Variants in DUOXA1 observed in about 807,000 individuals in gnomAD.
DUOXA1 encodes dual oxidase maturation factor 1, also known as dual oxidase activator 1.
A neutral mutation model predicts 26.6 loss-of-function variants in DUOXA1; 19 were observed. The ratio of observed to expected loss-of-function variants is 0.71; its 90% confidence interval spans 0.50 to 1.05. DUOXA1 has a LOEUF of 1.05. DUOXA1 is among the 50% of genes least tolerant of loss of function. The probability of loss-of-function intolerance (pLI) is 0.00; values close to 1 mark genes in which losing one functional copy is unlikely to be tolerated. For missense variants in DUOXA1, 403 were observed against 427.5 expected, an observed-to-expected ratio of 0.94 and a Z score of 0.51; for synonymous variants, 166 against 177.0, an observed-to-expected ratio of 0.94 and a Z score of 0.49.
At chr15:45,126,044 C>T (rs946840990) in intron 3 of DUOXA1, among the ~76,000 whole-genome samples, 3 of 152,204 alleles carry the variant, frequency 2.0e-5, no homozygotes, top group African/African-American at 7.2e-5. Context: ...GGCAACATCA[C>T]CACTGGTCAA....
intron 3 of DUOXA1, among the ~76,000 whole-genome samples, chr15:45,127,191 G>T (rs1895747556): frequency 6.6e-6 from 1 of 152,106 alleles, no homozygotes; most frequent in Non-Finnish European, 1.5e-5. Flanking sequence ...GATAAAGCGA[G>T]GCTAACAGCA....
In DUOXA1 at chr15:45,118,954, A is replaced by C; in HGVS notation, c.*152T>G. 7.3e-7 allele frequency: 1 copy of C among 1,375,274 alleles called. No homozygotes were observed. The highest frequency in any genetic ancestry group is 1.5e-5 in the African/African-American group (1 of 68,650). The allele number at this position is 1,375,274 out of a possible 1,614,324, so 85.2% of individuals were successfully genotyped here. On this transcript the variant is annotated 3_prime_UTR_variant, in exon 9 of 9. Coordinates refer to ENST00000560572, the MANE Select transcript of DUOXA1 (RefSeq NM_001276266.2). ...TTGTTTTGTTTTGTTTTTTAACATC[A>C]GTATATAGAGCCTCCTTTTTCTACT...
Position 45,120,191 on chromosome 15 carries a change from T to C in DUOXA1, c.684A>G (p.Thr228=), listed in dbSNP as rs200642821. 1.2e-3 allele frequency: 1,899 copies of C among 1,614,048 alleles called. 37 individuals are homozygous for C. The South Asian group carries it at 0.018, about 15-fold the overall frequency. ...LLALLFFSMA[T]SLTSPCPLHL... ...GCAGGGGACAGGGTGAGGTGAGTGA[T>C]GTGGCCATGGAGAAGAAGAGCAGAG... is the stretch of plus-strand genomic sequence containing the variant. The change falls in exon 8 of 9, where the codon ACA becomes ACG. Residue 228 remains threonine, a synonymous_variant. Coordinates refer to ENST00000560572, the MANE Select transcript of DUOXA1 (RefSeq NM_001276266.2).
intron 8 of DUOXA1, 48 bp from the exon 9 acceptor site, chr15:45,119,413 G>A: frequency 6.5e-7 from 1 of 1,541,978 alleles, no homozygotes; most frequent in Non-Finnish European, 8.8e-7. Flanking sequence ...AGTAACACCT[G>A]CCGAGGATAT....
intron 3 of DUOXA1, among the ~76,000 whole-genome samples, chr15:45,126,572 T>C (rs1322082075): frequency 1.3e-5 from 2 of 152,270 alleles, no homozygotes; most frequent in African/African-American, 4.8e-5. Context: ...GATTACATTG[T>C]ACTCTAATTG....
At chr15:45,122,455 G>A (rs1895311968) in intron 4 of DUOXA1, among the ~76,000 whole-genome samples, 1 of 152,096 alleles carries the variant, frequency 6.6e-6, no homozygotes, top group South Asian at 2.1e-4. Context: ...GCCCAGGCTG[G>A]AGGGCAGTGA....
Position 45,122,201 on chromosome 15 carries a change from G to T in DUOXA1, c.189C>A (p.Ile63=). ...WLLRVVTSLF[I]GAAILAVNFS... is the part of the protein sequence containing the mutation. ...CGCACTCACCCAGGATTGCAGCCCC[G>T]ATGAATAAGCTGGTCACCACCCGAA... Residue 63 remains isoleucine, a synonymous_variant, in exon 5 of 9, where the codon ATC becomes ATA. Transcript: ENST00000560572. The T allele has an allele frequency of 6.2e-7, 1 of 1,604,524 alleles. No individual in the cohort carries two copies.
chr15:45,119,163 G>A lies in DUOXA1; in HGVS notation c.975C>T (p.Ser325=), dbSNP rs1894897374. The change falls in exon 9 of 9, where the codon TCC becomes TCT. Residue 325 remains serine (S), a synonymous_variant. Coordinates refer to ENST00000560572, the MANE Select transcript of DUOXA1 (RefSeq NM_001276266.2). ...CCTCCTTACAGTATGCCTTGGTGGA[G>A]GAAGCCTCTGACAGGGGAATGTCCT... is the stretch of plus-strand genomic sequence containing the variant. The part of the protein sequence containing the change: ...KSQDIPLSEA[S]STKAYCKEAH... The A allele has an allele frequency of 6.2e-7, 1 of 1,610,292 alleles. No individual in the cohort carries two copies. The highest frequency in any genetic ancestry group is 8.5e-7 in the Non-Finnish European group (1 of 1,176,894).
rs762295474 is a variant in DUOXA1, at chr15:45,120,163, G to C, written c.712C>G (p.Leu238Val). Residue 238 changes from leucine (L) to valine (V), a missense_variant, in exon 8 of 9, where the codon CTG becomes GTG. Physicochemically the swap from Leu to Val is conservative, Grantham distance 32 (BLOSUM62 1). Transcript: ENST00000560572. ...TGAGTATGCAGCACAGAAGCGCCCA[G>C]GTGCAGGGGACAGGGTGAGGTGAGT... ...TSLTSPCPLH[L>V]GASVLHTHHG... The C allele has an allele frequency of 3.1e-6, 5 of 1,614,124 alleles. No individual in the cohort carries two copies. The highest frequency in any genetic ancestry group is 4.2e-6 in the Non-Finnish European group (5 of 1,180,004).
intron 3 of DUOXA1, among the ~76,000 whole-genome samples, chr15:45,126,866 T>G (rs1193406030): frequency 6.6e-6 from 1 of 152,260 alleles, no homozygotes; most frequent in Non-Finnish European, 1.5e-5. Flanking sequence ...CAACTTTTAG[T>G]AATTTCTCAA....
rs1018601208 is a variant in DUOXA1 at position 45,129,686 on chromosome 15, A to T, written c.-302-71T>A. On this transcript the variant is annotated intron_variant, in intron 1 of 8. Transcript: ENST00000560572. The surrounding 1 kb of genome is among the most constrained non-coding windows in gnomAD (Gnocchi z 4.1). ...CCGACGGTGTCGAGAGGATCTGAGG[A>T]GAGTCTCCCCTCCCCATACCCTCTC... 6.6e-6 allele frequency: 1 copy of T among 152,648 alleles called. No homozygotes were observed. Among genetic ancestry groups the T allele is most frequent in the African/African-American group, 2.4e-5 (1 of 41,396 alleles). 9.5% of individuals were successfully genotyped at this position (152,648 alleles called of 1,614,324 possible).
chr15:45,123,967 GA>G (rs924061565), intron 3 of DUOXA1, among the ~76,000 whole-genome samples: 1 of 151,784 alleles, frequency 6.6e-6, no homozygotes, highest in Non-Finnish European at 1.5e-5. Context: ...AAATAAAGGG[GA>G]AAAAAAGTCT....
At chr15:45,127,481 T>A (rs893665853) in intron 3 of DUOXA1, among the ~76,000 whole-genome samples, 3 of 152,254 alleles carry the variant, frequency 2.0e-5, no homozygotes, top group South Asian at 2.1e-4. Context: ...AAAAAAACAG[T>A]TGGTAAATGA....
chr15:45,122,750 T>A lies in DUOXA1; in HGVS notation c.147+118A>T, dbSNP rs1156701569. 9.2e-6 allele frequency: 12 copies of A among 1,297,666 alleles called. No individual in the cohort carries two copies. The East Asian group carries it at 3.0e-4, about 33-fold the overall frequency. The allele number at this position is 1,297,666 out of a possible 1,614,324, so 80.4% of individuals were successfully genotyped here. A position where few individuals can be genotyped will look rare whatever the true frequency, so the allele number is the denominator to read the frequency against. ...GGAGCTTTCTGCCTGGGGTCGTGGC[T>A]ATCTTTTCTCCGCACTGGGGTCTCC... On this transcript the variant is annotated intron_variant, in intron 4 of 8. Coordinates refer to ENST00000560572, the MANE Select transcript of DUOXA1 (RefSeq NM_001276266.2).
In DUOXA1 at chr15:45,122,177, G is replaced by A. The variant is rs1255586796; in HGVS notation, c.205+8C>T. On this transcript the variant is annotated splice_region_variant and intron_variant, in intron 5 of 8. Transcript: ENST00000560572. The stretch of plus-strand genomic sequence containing the variant: ...CAGCAGCCCAAGTCAGCTGCACTTC[G>A]CACTCACCCAGGATTGCAGCCCCGA... 5.0e-6 allele frequency: 8 copies of A among 1,595,850 alleles called. No homozygotes were observed. The highest frequency in any genetic ancestry group is 1.7e-4 in the Middle Eastern group (1 of 6,046).
At chr15:45,120,882 G>T in intron 6 of DUOXA1, 77 bp from the exon 7 acceptor site, 1 of 1,540,580 alleles carries the variant, frequency 6.5e-7, no homozygotes, top group Non-Finnish European at 8.9e-7. Flanking sequence ...ACCCACACTG[G>T]GCAGAGGGAC....
Position 45,118,178 on chromosome 15 carries a change from G to T in DUOXA1, c.*928C>A. 1 of 1,435,638 alleles carries T rather than the reference G, an allele frequency of 7.0e-7. No individual in the cohort carries two copies. The highest frequency in any genetic ancestry group is 1.5e-5 in the South Asian group (1 of 66,692). The allele number at this position is 1,435,638 out of a possible 1,614,324, so 88.9% of individuals were successfully genotyped here. ...CGTCCTCATGAGCTTCGCTGGGCTG[G>T]AGACAGCCTAGTACACTCTCCGCAG... On this transcript the variant is annotated 3_prime_UTR_variant, in exon 9 of 9. Transcript: ENST00000560572.
chr15:45,120,525 T>C, intron 7 of DUOXA1, 67 bp downstream of exon 7: 2 of 1,563,308 alleles, frequency 1.3e-6, no homozygotes, highest in East Asian at 2.2e-5. Flanking sequence ...GGAGGAGAGA[T>C]GGGTAGAAAC....
rs199999224 is a variant in DUOXA1 at position 45,122,903 on chromosome 15, A to G, written c.112T>C (p.Phe38Leu). 114 of 1,612,296 alleles carry G rather than the reference A, an allele frequency of 7.1e-5. No individual in the cohort carries two copies. Among genetic ancestry groups the G allele is most frequent in the African/African-American group, 2.7e-5 (2 of 74,764 alleles). Residue 38 changes from phenylalanine to leucine, a missense_variant, in exon 4 of 9, where the codon TTC becomes CTC. Transcript: ENST00000560572. ...IMIFLTALATFIVILPGIRGK... is the reference protein window; with the variant it reads ...IMIFLTALATLIVILPGIRGK... ...CGAATGCCAGGCAGGATGACGATGA[A>G]CGTGGCCAGTGCAGTCAGAAAGATC...
Sources: gnomAD v4.1 joint callset for allele counts (sites outside exome capture counted in the v4.1 genomes callset) on GRCh38, gnomAD v4.1.1 for gene constraint, Gnocchi (gnomAD v3.1) non-coding constraint, MANE v1.5 for transcripts, NCBI Gene and HGNC (gene_info 2026-07-23, HGNC 2026-07-21) for gene names.